Variants in ARHGEF3 observed in about 807,000 individuals in gnomAD.
The protein encoded by ARHGEF3 is 59.8 kDA protein.
A neutral mutation model predicts 63.2 loss-of-function variants in ARHGEF3; 28 were observed. That is an observed-to-expected ratio of 0.44 (90% CI 0.33 to 0.61). The LOEUF (loss-of-function observed/expected upper bound fraction) is 0.61, where lower values mean the gene tolerates loss of function less well. ARHGEF3 is among the 20% of genes least tolerant of loss of function. The pLI, the probability that ARHGEF3 is intolerant of heterozygous loss-of-function variation, is 0.03. For missense variants in ARHGEF3, 533 were observed against 659.3 expected (o/e 0.81, Z 2.10); for synonymous variants, 266 against 254.2 (o/e 1.05, Z -0.44).
At chr3:56,736,940 C>A (rs1447411794) in intron 8 of ARHGEF3, among the ~76,000 whole-genome samples, 2 of 151,984 alleles carry the variant, frequency 1.3e-5, no homozygotes, top group Non-Finnish European at 2.9e-5. Context: ...TAAAAAAATA[C>A]AAAAATTAGC....
chr3:57,001,113 AT>A (rs1553802050), intron 2 of ARHGEF3, among the ~76,000 whole-genome samples: 1 of 150,506 alleles, frequency 6.6e-6, no homozygotes, highest in African/African-American at 2.4e-5. Context: ...CTAAATTTTA[AT>A]TTTTTTGTAG....
intron 3 of ARHGEF3, among the ~76,000 whole-genome samples, chr3:56,953,384 C>T (rs1378830137): frequency 1.3e-5 from 2 of 152,234 alleles, no homozygotes; most frequent in Non-Finnish European, 2.9e-5. Context: ...AGGTTGAGGA[C>T]CTCTTGTCAA....
intron 2 of ARHGEF3, among the ~76,000 whole-genome samples, chr3:57,014,073 C>G (rs934170017): frequency 4.6e-5 from 7 of 152,090 alleles, no homozygotes; most frequent in African/African-American, 1.4e-4. Flanking sequence ...TTAAAGCCAG[C>G]GAGACCACGA....
rs567597959 is a variant in ARHGEF3, at chr3:57,029,975, C to T, written c.62+5113G>A. Among the ~76,000 whole-genome samples, 3 of 152,224 alleles carry T rather than the reference C, an allele frequency of 2.0e-5. No individual in the cohort carries two copies. The South Asian group carries it at 6.2e-4, about 32-fold the overall frequency. ...ACTAAAAATCAGTGACCAAAACAGCCCTGGCCTAATGCCAAGATGGGAGCT... is the reference window on the plus strand; with the variant it reads ...ACTAAAAATCAGTGACCAAAACAGCTCTGGCCTAATGCCAAGATGGGAGCT... On this transcript the variant is annotated intron_variant, in intron 2 of 12. Transcript: ENST00000338458.
At chr3:56,763,138 A>G (rs1238831087) in intron 2 of ARHGEF3, among the ~76,000 whole-genome samples, 2 of 152,146 alleles carry the variant, frequency 1.3e-5, no homozygotes, top group Non-Finnish European at 2.9e-5. Context: ...GAGACCTTTC[A>G]TCTCTCTGGG....
rs114550031 is a variant in ARHGEF3 at position 56,864,858 on chromosome 3, T to A, written c.192+17434A>T. Among the ~76,000 whole-genome samples the A allele has an allele frequency of 6.3e-3, 959 of 152,256 alleles. 7 individuals are homozygous for A. Among genetic ancestry groups the A allele is most frequent in the African/African-American group, 0.021 (888 of 41,540 alleles). Reference sequence around the variant, plus strand: ...CCCTCTTCAGTTATTATATTACATATAATAAAATTTCAAAGTTTACTCAGC... The same window carrying A: ...CCCTCTTCAGTTATTATATTACATAAAATAAAATTTCAAAGTTTACTCAGC... On this transcript the variant is annotated intron_variant, in intron 4 of 12. Coordinates refer to the ARHGEF3 transcript ENST00000338458.
chr3:56,794,179 G>A (rs770845180), intron 1 of ARHGEF3, among the ~76,000 whole-genome samples: 2 of 152,052 alleles, frequency 1.3e-5, no homozygotes, highest in African/African-American at 2.4e-5. Context: ...AATACTTACA[G>A]GGATAACACA....
chr3:56,853,923 T>C (rs1334230584), intron 4 of ARHGEF3, among the ~76,000 whole-genome samples: 1 of 151,964 alleles, frequency 6.6e-6, no homozygotes, highest in African/African-American at 2.4e-5. Context: ...TGGCCAGGCG[T>C]AGTGGCTCAC....
At chr3:57,014,456 C>G (rs956328731) in intron 2 of ARHGEF3, among the ~76,000 whole-genome samples, 10 of 152,160 alleles carry the variant, frequency 6.6e-5, no homozygotes, top group Admixed American at 4.6e-4. Context: ...GAAATCGAGC[C>G]AAATATGTGG....
At chr3:57,013,061 T>TGCCC (rs1560132338) in intron 2 of ARHGEF3, among the ~76,000 whole-genome samples, 6 of 151,986 alleles carry the variant, frequency 3.9e-5, no homozygotes, top group African/African-American at 1.4e-4. Context: ...CCGGCCTGCC[T>TGCCC]GCGCCACACT....
At chr3:57,041,884 T>G (rs1704199037) in intron 1 of ARHGEF3, among the ~76,000 whole-genome samples, 2 of 152,078 alleles carry the variant, frequency 1.3e-5, no homozygotes, top group African/African-American at 4.8e-5. Flanking sequence ...AGCCACCCGC[T>G]CCAGATGACC....
intron 4 of ARHGEF3, among the ~76,000 whole-genome samples, chr3:56,875,283 C>G (rs2040549713): frequency 6.6e-6 from 1 of 152,184 alleles, no homozygotes; most frequent in African/African-American, 2.4e-5. Context: ...AGGAAGGACT[C>G]TATAGCAATT....
chr3:56,962,892 C>T lies in ARHGEF3; in HGVS notation c.63-4003G>A, dbSNP rs78236996. 1.4e-3 allele frequency among the ~76,000 whole-genome samples: 213 copies of T among 152,264 alleles called. 2 individuals carry two copies. Among genetic ancestry groups the T allele is most frequent in the African/African-American group, 4.8e-3 (198 of 41,572 alleles). On this transcript the variant is annotated intron_variant, in intron 2 of 12. Coordinates refer to the ARHGEF3 transcript ENST00000338458. ...GGTTAGTGCAGAATTTATTTTCCCA[C>T]CATGTGAAAACAAATGTGACTGTTT...
chr3:56,914,140 G>A (rs1214166578), intron 3 of ARHGEF3, among the ~76,000 whole-genome samples: 1 of 152,152 alleles, frequency 6.6e-6, no homozygotes, highest in East Asian at 1.9e-4. Flanking sequence ...GGGTGAGAGA[G>A]GAGTGAGGGA....
intron 2 of ARHGEF3, among the ~76,000 whole-genome samples, chr3:57,019,201 A>T (rs1015768409): frequency 6.6e-6 from 1 of 152,172 alleles, no homozygotes; most frequent in African/African-American, 2.4e-5. Flanking sequence ...TAAAAGAGGA[A>T]CAAGAGAGCA....
chr3:56,850,460 C>T (rs2039639357), intron 4 of ARHGEF3, among the ~76,000 whole-genome samples: 1 of 152,158 alleles, frequency 6.6e-6, no homozygotes, highest in South Asian at 2.1e-4. Flanking sequence ...ACCTGGGGTG[C>T]AGAGGTTGCA....
chr3:56,737,196 T>C lies in ARHGEF3; in HGVS notation c.1030A>G (p.Asn344Asp), dbSNP rs144974328. The C allele has an allele frequency of 6.2e-7, 1 of 1,613,634 alleles. No homozygotes were observed. The highest frequency in any genetic ancestry group is 8.5e-7 in the Non-Finnish European group (1 of 1,179,804). ...GAGTAACTACTTACCACGCCCCGATTGTTCTTCAGTTCACCATGACAACAC... is the reference window on the plus strand; with the variant it reads ...GAGTAACTACTTACCACGCCCCGATCGTTCTTCAGTTCACCATGACAACAC... ...VLCCHGELKN[N>D]RGVKLHVFLF... is the part of the protein sequence containing the mutation. Residue 344 changes from asparagine to aspartate, a missense_variant, in exon 8 of 10, where the codon AAT (asparagine) becomes GAT (aspartate). By Grantham distance (23) the Asn-to-Asp change is conservative. This residue lies in a region of ARHGEF3 where 151 missense variants were observed against 190.7 expected (regional missense o/e 0.79). Coordinates refer to ENST00000296315, the MANE Select transcript of ARHGEF3 (RefSeq NM_019555.3).
At chr3:56,984,049 T>C (rs1701441288) in intron 2 of ARHGEF3, among the ~76,000 whole-genome samples, 1 of 151,886 alleles carries the variant, frequency 6.6e-6, no homozygotes, top group Non-Finnish European at 1.5e-5. Flanking sequence ...TGAGCACTCA[T>C]GGGGGCACCT....
chr3:56,790,265 T>A (rs949400162), intron 1 of ARHGEF3, among the ~76,000 whole-genome samples: 1 of 152,230 alleles, frequency 6.6e-6, no homozygotes, highest in Non-Finnish European at 1.5e-5. Context: ...CAGAGACTAA[T>A]AAGAGAATGC....
Sources: allele counts gnomAD v4.1 joint callset (sites outside exome capture counted in the v4.1 genomes callset), GRCh38; gene constraint gnomAD v4.1.1; regional missense constraint gnomAD v4.1.1; transcripts MANE v1.5; gene names NCBI Gene and HGNC (gene_info 2026-07-23, HGNC 2026-07-21).